Variants in DPYS observed in about 807,000 individuals in gnomAD.
DPYS encodes the protein dihydropyrimidine amidohydrolase.
A neutral mutation model predicts 50.3 loss-of-function variants in DPYS; 39 were observed. The ratio of observed to expected loss-of-function variants is 0.78; its 90% CI spans 0.60 to 1.01. The LOEUF is 1.01. DPYS is among the 50% of genes least tolerant of loss of function. DPYS has a pLI of 0.00. For missense variants in DPYS, 659 were observed against 680.9 expected (o/e 0.97, Z 0.36); for synonymous variants, 245 against 250.7 (o/e 0.98, Z 0.22).
chr8:104,398,793 A>C (rs1308876803), intron 7 of DPYS, among the ~76,000 whole-genome samples: 2 of 151,920 alleles, frequency 1.3e-5, no homozygotes, highest in Admixed American at 1.3e-4. Flanking sequence ...TCCTTTCAAA[A>C]CTCACCCTAT....
At chr8:104,440,999 G>A (rs1473231426) in intron 4 of DPYS, among the ~76,000 whole-genome samples, 1 of 152,160 alleles carries the variant, frequency 6.6e-6, no homozygotes, top group Non-Finnish European at 1.5e-5. Flanking sequence ...CTGTCCTTTG[G>A]TTTGCTGATG....
chr8:104,466,634 CG>C (rs1219262020), intron 1 of DPYS, 22 bp downstream of exon 1: 6 of 1,502,950 alleles, frequency 4.0e-6, no homozygotes, highest in South Asian at 2.5e-5. Flanking sequence ...TACCGCGGGG[CG>C]GGGGCGCGGC....
At chr8:104,443,079 A>G (rs1032176839) in intron 4 of DPYS, among the ~76,000 whole-genome samples, 2 of 152,230 alleles carry the variant, frequency 1.3e-5, no homozygotes, top group African/African-American at 4.8e-5. Flanking sequence ...TTACAAAAAT[A>G]CAGCCTGTTT....
At chr8:104,429,825 C>A (rs1812891740) in intron 4 of DPYS, 124 bp from the exon 5 acceptor site, 6 of 1,207,118 alleles carry the variant, frequency 5.0e-6, no homozygotes, top group Non-Finnish European at 7.0e-6. Context: ...TAGCAGAATC[C>A]CAAACTATAA....
intron 4 of DPYS, among the ~76,000 whole-genome samples, chr8:104,437,896 TAAG>T (rs1309466135): frequency 6.6e-6 from 1 of 152,132 alleles, no homozygotes; most frequent in Non-Finnish European, 1.5e-5. Flanking sequence ...AAGTTTGTGA[TAAG>T]AAGACAAGAA....
Position 104,425,859 on chromosome 8 carries a change from A to G in DPYS, c.1093-1470T>C, listed in dbSNP as rs1486484736. On this transcript the variant is annotated intron_variant, in intron 6 of 9. Transcript: ENST00000351513. The stretch of plus-strand genomic sequence containing the variant: ...TTATCAAACAATGCTTGCCTTAAAA[A>G]TGACTAAGAACCATGCCCTGAAAGT... 2.0e-5 allele frequency among the ~76,000 whole-genome samples: 3 copies of G among 152,180 alleles called. No homozygotes were observed. In the East Asian group the frequency reaches 5.8e-4, roughly 29 times the overall value.
chr8:104,390,777 G>GC (rs1588399725), intron 8 of DPYS, among the ~76,000 whole-genome samples: 2 of 152,038 alleles, frequency 1.3e-5, no homozygotes, highest in East Asian at 3.9e-4. Context: ...AGGATTACAG[G>GC]TGTGAACCAC....
intron 3 of DPYS, among the ~76,000 whole-genome samples, 188 bp from the exon 4 acceptor site, chr8:104,444,625 CAT>C (rs1813469914): frequency 6.6e-6 from 1 of 151,940 alleles, no homozygotes; most frequent in Non-Finnish European, 1.5e-5. Context: ...ATATATATAA[CAT>C]GTATATTTGG....
chr8:104,382,741 C>T (rs1200669217), intron 8 of DPYS, among the ~76,000 whole-genome samples: 7 of 152,272 alleles, frequency 4.6e-5, no homozygotes, highest in Non-Finnish European at 8.8e-5. Context: ...TCAGCTCGTT[C>T]CTGCCTATCA....
At chr8:104,440,486 G>A (rs1813312647) in intron 4 of DPYS, among the ~76,000 whole-genome samples, 1 of 152,130 alleles carries the variant, frequency 6.6e-6, no homozygotes, top group South Asian at 2.1e-4. Flanking sequence ...AGACAGAATG[G>A]GCTCCTGACG....
chr8:104,437,597 T>C (rs1564103844), intron 4 of DPYS, among the ~76,000 whole-genome samples: 1 of 152,194 alleles, frequency 6.6e-6, no homozygotes, highest in Non-Finnish European at 1.5e-5. Context: ...GAAAAACTCA[T>C]GAATAATCCA....
chr8:104,436,290 CAA>C (rs1416439375), intron 4 of DPYS, among the ~76,000 whole-genome samples: 1 of 152,068 alleles, frequency 6.6e-6, no homozygotes, highest in Non-Finnish European at 1.5e-5. Context: ...CACGCACACA[CAA>C]AAAAGAAGAC....
chr8:104,379,933 CAAAGT>C, intron 9 of DPYS, 90 bp from the exon 10 acceptor site: 1 of 434,834 alleles, frequency 2.3e-6, no homozygotes, highest in Non-Finnish European at 4.6e-6. Flanking sequence ...ATGCTATAAT[CAAAGT>C]AAACACTAAT....
At chr8:104,457,121 A>C (rs2140757354) in intron 1 of DPYS, among the ~76,000 whole-genome samples, 1 of 152,352 alleles carries the variant, frequency 6.6e-6, no homozygotes, top group South Asian at 2.1e-4. Flanking sequence ...TAACAGCAAT[A>C]ACTAATAAAA....
chr8:104,461,616 C>T (rs1342680957), intron 1 of DPYS, among the ~76,000 whole-genome samples: 1 of 152,110 alleles, frequency 6.6e-6, no homozygotes. Context: ...AGAGCTGAAC[C>T]ATCAAAGTTT....
At chr8:104,441,670 C>T (rs1294638943) in intron 4 of DPYS, among the ~76,000 whole-genome samples, 1 of 152,184 alleles carries the variant, frequency 6.6e-6, no homozygotes, top group East Asian at 1.9e-4. Context: ...AGGGATGCAG[C>T]CCTGCAGACA....
At chr8:104,380,280 C>T (rs1013980479) in intron 9 of DPYS, among the ~76,000 whole-genome samples, 2 of 152,098 alleles carry the variant, frequency 1.3e-5, no homozygotes, top group Non-Finnish European at 2.9e-5. Context: ...AAAACCAGAC[C>T]GTTGTCAAAC....
chr8:104,403,366 C>T (rs1811888148), intron 7 of DPYS, among the ~76,000 whole-genome samples: 1 of 152,190 alleles, frequency 6.6e-6, no homozygotes, highest in Non-Finnish European at 1.5e-5. Flanking sequence ...CCCAAGATTC[C>T]ATTCCTTGGA....
intron 4 of DPYS, among the ~76,000 whole-genome samples, chr8:104,438,406 A>G (rs1384480527): frequency 6.6e-6 from 1 of 152,212 alleles, no homozygotes; most frequent in East Asian, 1.9e-4. Flanking sequence ...ACTTTGCAAG[A>G]CAATAATGGT....
Sources: gnomAD v4.1 joint callset for allele counts (sites outside exome capture counted in the v4.1 genomes callset) on GRCh38, gnomAD v4.1.1 for gene constraint, MANE v1.5 for transcripts, NCBI Gene and HGNC (gene_info 2026-07-23, HGNC 2026-07-21) for gene names.